Variants in TNS1 observed in about 807,000 individuals in gnomAD.
TNS1 encodes the protein tensin 1, also known as tensin-1.
A neutral mutation model predicts 168.6 loss-of-function variants in TNS1; 62 were observed. That is an observed-to-expected ratio of 0.37 (90% CI 0.30 to 0.45). The LOEUF is 0.45. Ranked by LOEUF, TNS1 falls within the 20% of genes least tolerant of loss-of-function variation. TNS1 has a pLI of 1.00. For synonymous variants in TNS1, 934 were observed against 933.2 expected (o/e 1.00, Z -0.02); for missense variants, 2,240 against 2,339.4 (o/e 0.96, Z 0.88).
intron 3 of TNS1, among the ~76,000 whole-genome samples, chr2:217,966,338 AAG>A (rs910580839): frequency 6.8e-6 from 1 of 147,990 alleles, no homozygotes; most frequent in Non-Finnish European, 1.5e-5. Flanking sequence ...AGGAGACAGC[AAG>A]AGAGAGAGAG....
intron 3 of TNS1, among the ~76,000 whole-genome samples, chr2:217,928,161 T>C (rs1398468717): frequency 6.6e-6 from 1 of 152,224 alleles, no homozygotes; most frequent in Non-Finnish European, 1.5e-5. Context: ...GACAAGGAGC[T>C]GCAAGAATGC....
chr2:217,850,348 A>G (rs3791975), intron 18 of TNS1: 125,624 of 985,024 alleles, frequency 0.13, 8,753 homozygotes, highest in East Asian at 0.35. Flanking sequence ...CAGGAGGGGA[A>G]GCGTCTTAGG....
At chr2:218,018,998 C>T (rs1433580981) in intron 1 of TNS1, among the ~76,000 whole-genome samples, 2 of 151,728 alleles carry the variant, frequency 1.3e-5, no homozygotes, top group Admixed American at 6.6e-5. Flanking sequence ...AATTGCTTGA[C>T]CCTGGGAAGT....
At chr2:217,832,375 A>T (rs1355672662) in intron 21 of TNS1, among the ~76,000 whole-genome samples, 1 of 152,206 alleles carries the variant, frequency 6.6e-6, no homozygotes, top group Non-Finnish European at 1.5e-5. Context: ...TTCAGAGCTG[A>T]TCTGCAGGGT....
intron 6 of TNS1, among the ~76,000 whole-genome samples, chr2:217,904,699 C>A (rs1953447721): frequency 6.6e-6 from 1 of 152,196 alleles, no homozygotes; most frequent in African/African-American, 2.4e-5. Flanking sequence ...CCTCTTTCTT[C>A]CCTAGGACCA....
chr2:217,812,314 G>T, intron 28 of TNS1, 54 bp downstream of exon 28: 2 of 1,507,910 alleles, frequency 1.3e-6, no homozygotes, highest in South Asian at 1.2e-5. Flanking sequence ...ATCAAGACAT[G>T]ACAAGGGCCA....
intron 6 of TNS1, among the ~76,000 whole-genome samples, chr2:217,902,565 C>T (rs1953134595): frequency 6.6e-6 from 1 of 152,156 alleles, no homozygotes; most frequent in South Asian, 2.1e-4. Context: ...CCCCTTTCCC[C>T]ACCGCCCTCT....
chr2:217,958,886 G>A (rs1957428893), intron 3 of TNS1, among the ~76,000 whole-genome samples: 1 of 152,194 alleles, frequency 6.6e-6, no homozygotes, highest in Admixed American at 6.5e-5. Context: ...ACTGAGGATG[G>A]GAGAATGAGG....
At chr2:217,945,925 C>G (rs1274332426) in intron 3 of TNS1, among the ~76,000 whole-genome samples, 5 of 152,154 alleles carry the variant, frequency 3.3e-5, no homozygotes, top group Non-Finnish European at 1.5e-5. Flanking sequence ...GGGGATTGTG[C>G]TATAAAATTA....
chr2:217,996,763 C>G (rs1434291109), intron 1 of TNS1, among the ~76,000 whole-genome samples: 1 of 152,088 alleles, frequency 6.6e-6, no homozygotes, highest in Non-Finnish European at 1.5e-5. Flanking sequence ...AGGCCGCTCC[C>G]ACCCATCGCC....
chr2:218,015,295 A>T (rs1958747726), upstream of TNS1, among the ~76,000 whole-genome samples: 1 of 152,088 alleles, frequency 6.6e-6, no homozygotes, highest in African/African-American at 2.4e-5. Flanking sequence ...TTCCTGAGTC[A>T]CGGCTTTTCC....
At chr2:217,965,938 C>G (rs1268392923) in intron 3 of TNS1, among the ~76,000 whole-genome samples, 1 of 152,064 alleles carries the variant, frequency 6.6e-6, no homozygotes, top group Non-Finnish European at 1.5e-5. Flanking sequence ...CAGTGGGACT[C>G]CACTGGTCTT....
chr2:217,858,733 C>T (rs1043998589), intron 18 of TNS1: 12 of 165,036 alleles, frequency 7.3e-5, no homozygotes, highest in Non-Finnish European at 9.9e-5. Flanking sequence ...CTCTCCTGCA[C>T]GCTCTCTCCC....
chr2:217,951,941 C>T (rs1559384793), intron 3 of TNS1, among the ~76,000 whole-genome samples: 2 of 152,250 alleles, frequency 1.3e-5, no homozygotes, highest in African/African-American at 4.8e-5. Context: ...TCCCTCACCC[C>T]TTCATTCCAC....
At chr2:217,805,359 C>A (rs1224136244) in intron 32 of TNS1, among the ~76,000 whole-genome samples, 1 of 151,654 alleles carries the variant, frequency 6.6e-6, no homozygotes, top group African/African-American at 2.4e-5. Context: ...ACCGCAGGAC[C>A]ACGGCAGCTG....
In TNS1 at chr2:217,920,814, A is replaced by G. The variant is rs568834723; in HGVS notation, c.187-578T>C. On this transcript the variant is annotated intron_variant, in intron 3 of 32. Coordinates refer to ENST00000682258, the MANE Select transcript of TNS1 (RefSeq NM_001387777.1). ...CCCACCAGCCCTTCCAAAGAAAGCC[A>G]TGAGTGTGGCTAACACATGTGGAAG... Among the ~76,000 whole-genome samples, 20 of 152,236 alleles carry G rather than the reference A, an allele frequency of 1.3e-4. No individual in the cohort carries two copies. The East Asian group carries it at 3.7e-3, about 28-fold the overall frequency.
intron 18 of TNS1, among the ~76,000 whole-genome samples, chr2:217,862,254 T>C (rs916194235): frequency 6.6e-6 from 1 of 152,138 alleles, no homozygotes; most frequent in African/African-American, 2.4e-5. Context: ...ACACTTCGTC[T>C]TACCATGTTT....
At chr2:217,816,301 C>A (rs1941877018) in intron 24 of TNS1, among the ~76,000 whole-genome samples, 1 of 152,218 alleles carries the variant, frequency 6.6e-6, no homozygotes, top group African/African-American at 2.4e-5. Flanking sequence ...GAGGATTCCA[C>A]ATTTTTCCTC....
intron 3 of TNS1, among the ~76,000 whole-genome samples, chr2:217,928,301 G>A (rs938408690): frequency 3.9e-5 from 6 of 152,206 alleles, no homozygotes; most frequent in Non-Finnish European, 7.3e-5. Flanking sequence ...TCAGGAGGAG[G>A]GATCCTGGAG....
Sources: allele counts gnomAD v4.1 joint callset (sites outside exome capture counted in the v4.1 genomes callset), GRCh38; gene constraint gnomAD v4.1.1; transcripts MANE v1.5; gene names NCBI Gene and HGNC (gene_info 2026-07-23, HGNC 2026-07-21).